The following XKR4 variants were observed in gnomAD, a reference collection of about 807,000 sequenced individuals.
XKR4 encodes XK related 4.
A neutral mutation model predicts 53.9 loss-of-function variants in XKR4; 12 were observed. The ratio of observed to expected loss-of-function variants is 0.22; its 90% CI spans 0.14 to 0.36. The LOEUF (loss-of-function observed/expected upper bound fraction) is 0.36, where lower values mean the gene tolerates loss of function less well. Among genes scored for constraint, XKR4 ranks in the 10% least tolerant of loss-of-function variants. The pLI is 1.00. For synonymous variants in XKR4, 354 were observed against 362.4 expected (o/e 0.98, Z 0.26); for missense variants, 799 against 859.5 (o/e 0.93, Z 0.88).
At chr8:55,137,778 C>A (rs1816651819) in intron 1 of XKR4, among the ~76,000 whole-genome samples, 1 of 151,866 alleles carries the variant, frequency 6.6e-6, no homozygotes, top group African/African-American at 2.4e-5. Context: ...CATTCTTCTG[C>A]CCAGGCTGGT....
chr8:55,340,667 G>A (rs984736315), intron 1 of XKR4, among the ~76,000 whole-genome samples: 3 of 152,200 alleles, frequency 2.0e-5, no homozygotes, highest in Admixed American at 6.5e-5. Context: ...TCATGAATTA[G>A]GGATCACTCC....
At chr8:55,124,249 T>C (rs1410773882) in intron 1 of XKR4, among the ~76,000 whole-genome samples, 1 of 152,184 alleles carries the variant, frequency 6.6e-6, no homozygotes, top group Non-Finnish European at 1.5e-5. Context: ...TGGCCATTCA[T>C]CTACTTGCTT....
chr8:55,151,233 A>C (rs1816835754), intron 1 of XKR4, among the ~76,000 whole-genome samples: 2 of 152,238 alleles, frequency 1.3e-5, no homozygotes, highest in Non-Finnish European at 2.9e-5. Context: ...TCTAGAATTT[A>C]TACTTTCATT....
At chr8:55,138,450 G>C (rs759143865) in intron 1 of XKR4, among the ~76,000 whole-genome samples, 2 of 152,142 alleles carry the variant, frequency 1.3e-5, no homozygotes, top group Non-Finnish European at 2.9e-5. Context: ...AGTATTTAGA[G>C]AATCATCTCA....
chr8:55,395,278 TG>T (rs1442659080), intron 2 of XKR4, among the ~76,000 whole-genome samples: 1 of 152,060 alleles, frequency 6.6e-6, no homozygotes, highest in African/African-American at 2.4e-5. Flanking sequence ...GCACATGCTC[TG>T]GGAGCTCAAG....
intron 2 of XKR4, among the ~76,000 whole-genome samples, chr8:55,464,159 C>A (rs1245630644): frequency 2.0e-5 from 3 of 152,106 alleles, no homozygotes; most frequent in Non-Finnish European, 4.4e-5. Context: ...CAAAGCCTGG[C>A]AGAGACACAA....
intron 1 of XKR4, among the ~76,000 whole-genome samples, chr8:55,220,752 C>T (rs1225753466): frequency 6.6e-6 from 1 of 152,248 alleles, no homozygotes; most frequent in Non-Finnish European, 1.5e-5. Context: ...CCTCCATTCT[C>T]TTCCCCCAGT....
At chr8:55,236,959 A>G (rs1261213151) in intron 1 of XKR4, among the ~76,000 whole-genome samples, 1 of 152,200 alleles carries the variant, frequency 6.6e-6, no homozygotes, top group African/African-American at 2.4e-5. Context: ...CCTTCTGGCA[A>G]GCTATCATCT....
intron 1 of XKR4, among the ~76,000 whole-genome samples, chr8:55,262,290 T>C (rs553598373): frequency 1.3e-5 from 2 of 152,362 alleles, no homozygotes; most frequent in East Asian, 3.9e-4. Flanking sequence ...GAGGGAGATA[T>C]GATTTTTCCA....
At chr8:55,479,609 G>T (rs1453987486) in intron 2 of XKR4, among the ~76,000 whole-genome samples, 2 of 152,048 alleles carry the variant, frequency 1.3e-5, no homozygotes, top group Non-Finnish European at 2.9e-5. Flanking sequence ...ATGAATCCAG[G>T]AGATTGTTTT....
At chr8:55,428,172 G>A (rs911180362) in intron 2 of XKR4, among the ~76,000 whole-genome samples, 11 of 152,008 alleles carry the variant, frequency 7.2e-5, no homozygotes, top group Non-Finnish European at 1.6e-4. Context: ...TAAAAACCCT[G>A]GACATTATAT....
intron 1 of XKR4, among the ~76,000 whole-genome samples, chr8:55,105,435 A>T (rs551759912): frequency 6.6e-6 from 1 of 152,308 alleles, no homozygotes; most frequent in African/African-American, 2.4e-5. Flanking sequence ...CAAATGTATT[A>T]ACTGACCCAG....
intron 2 of XKR4, among the ~76,000 whole-genome samples, chr8:55,395,432 A>G (rs1804503414): frequency 6.6e-6 from 1 of 152,138 alleles, no homozygotes; most frequent in Non-Finnish European, 1.5e-5. Flanking sequence ...TTGAGAAATC[A>G]TAAGTCATGT....
chr8:55,398,517 C>T (rs1009021403), intron 2 of XKR4, among the ~76,000 whole-genome samples: 1 of 152,320 alleles, frequency 6.6e-6, no homozygotes, highest in South Asian at 2.1e-4. Context: ...AGAGAGCATC[C>T]TTCGGTGAAA....
chr8:55,450,030 G>A, intron 2 of XKR4: 4 of 782,530 alleles, frequency 5.1e-6, no homozygotes, highest in East Asian at 5.3e-5. Context: ...ACACTAGGAG[G>A]GAGCTAGGGG....
intron 1 of XKR4, among the ~76,000 whole-genome samples, chr8:55,150,239 G>T (rs1026221303): frequency 6.6e-6 from 1 of 152,200 alleles, no homozygotes; most frequent in Non-Finnish European, 1.5e-5. Flanking sequence ...CTAGGTAACT[G>T]TAACTGTATT....
In XKR4 at chr8:55,357,611, A is replaced by G. The variant is rs192526813; in HGVS notation, c.807-67A>G. ...ATATGGTGGCTTGCAGAAAAGAACA[A>G]CCCTGGAGTTTGAATTATAAACTAT... On this transcript the variant is annotated intron_variant, in intron 1 of 2. Transcript: ENST00000327381. The G allele has an allele frequency of 1.0e-4, 160 of 1,566,170 alleles. No homozygotes were observed. In the African/African-American group the frequency reaches 2.0e-3, roughly 19 times the overall value.
chr8:55,193,665 TC>T (rs1817471491), intron 1 of XKR4, among the ~76,000 whole-genome samples: 1 of 152,096 alleles, frequency 6.6e-6, no homozygotes, highest in Non-Finnish European at 1.5e-5. Context: ...GAAATGAGAG[TC>T]CCCATGCTAA....
chr8:55,167,538 A>G (rs775035847), intron 1 of XKR4, among the ~76,000 whole-genome samples: 5 of 152,184 alleles, frequency 3.3e-5, no homozygotes, highest in Non-Finnish European at 5.9e-5. Flanking sequence ...ACCTGCCAAC[A>G]AGGAATGATT....
Sources: allele counts gnomAD v4.1 joint callset (sites outside exome capture counted in the v4.1 genomes callset), GRCh38; gene constraint gnomAD v4.1.1; transcripts MANE v1.5; gene names NCBI Gene and HGNC (gene_info 2026-07-23, HGNC 2026-07-21).